The following COL28A1 variants were observed in gnomAD, a reference collection of about 807,000 sequenced individuals.
The protein encoded by COL28A1 is collagen type XXVIII alpha 1 chain.
In COL28A1, 161 loss-of-function variants were observed where a neutral mutation model predicts 150.2. The observed-to-expected ratio is 1.07, with a 90% CI of 0.94 to 1.22. The LOEUF (loss-of-function observed/expected upper bound fraction) is 1.22. Ranked by LOEUF, COL28A1 falls within the 50% of genes most tolerant of loss-of-function variation. The pLI is 0.00. For synonymous variants in COL28A1, 552 were observed against 469.7 expected (o/e 1.18, Z -2.26); for missense variants, 1,617 against 1,388.3 (o/e 1.16, Z -2.62).
At chr7:7,344,415 AT>A in the COL28A1 span, among the ~76,000 whole-genome samples, 1 of 151,950 alleles carries the variant, frequency 6.6e-6, no homozygotes, top group Non-Finnish European at 1.5e-5. Context: ...TTATTTTTTA[AT>A]AGTTGGTCTA....
chr7:7,532,628 A>G (rs1782433169), intron 2 of COL28A1, 124 bp downstream of exon 2: 6 of 1,252,304 alleles, frequency 4.8e-6, no homozygotes, highest in Non-Finnish European at 5.4e-6. Context: ...TAATTTTATC[A>G]AAGTAGACTA....
At chr7:7,532,642 C>G in intron 2 of COL28A1, 110 bp downstream of exon 2, 1 of 1,341,384 alleles carries the variant, frequency 7.5e-7, no homozygotes. Context: ...TAGACTATCA[C>G]ATGTATACAT....
At chr7:7,375,565 G>T in intron 30 of COL28A1, 68 bp from the exon 31 acceptor site, 2 of 1,026,678 alleles carry the variant, frequency 1.9e-6, no homozygotes, top group Non-Finnish European at 2.8e-6. Flanking sequence ...AGCCATAAAA[G>T]ATATCTCATT....
intron 25 of COL28A1, among the ~76,000 whole-genome samples, chr7:7,425,572 C>T (rs1205677885): frequency 6.6e-6 from 1 of 152,194 alleles, no homozygotes; most frequent in Non-Finnish European, 1.5e-5. Context: ...TAATTGACTT[C>T]ATTCCAGATC....
chr7:7,375,687 G>A (rs1415079347), intron 30 of COL28A1, among the ~76,000 whole-genome samples, 190 bp from the exon 31 acceptor site: 2 of 152,170 alleles, frequency 1.3e-5, no homozygotes, highest in African/African-American at 4.8e-5. Flanking sequence ...CGTTTGAGCT[G>A]TGAAACTTAA....
intron 1 of COL28A1, among the ~76,000 whole-genome samples, 184 bp from the exon 2 acceptor site, chr7:7,533,096 T>C (rs958112282): frequency 6.6e-6 from 1 of 152,170 alleles, no homozygotes; most frequent in Non-Finnish European, 1.5e-5. Flanking sequence ...CATGGCACCA[T>C]GACCAAACAT....
chr7:7,488,044 C>T (rs1779722534), intron 13 of COL28A1, among the ~76,000 whole-genome samples: 1 of 152,178 alleles, frequency 6.6e-6, no homozygotes, highest in Non-Finnish European at 1.5e-5. Context: ...GCCATTTTAG[C>T]ACTCCATCTG....
intron 11 of COL28A1, among the ~76,000 whole-genome samples, chr7:7,497,360 C>T (rs1333660271): frequency 2.6e-5 from 4 of 152,146 alleles, no homozygotes; most frequent in Non-Finnish European, 4.4e-5. Context: ...ATGTGACTGA[C>T]GTGTATTAAC....
rs761455970 is a variant in COL28A1, at chr7:7,515,813, C to A, written c.882+1G>T. 9.5e-7 allele frequency: 1 copy of A among 1,056,744 alleles called. No homozygotes were observed. Among genetic ancestry groups the A allele is most frequent in the Non-Finnish European group, 1.5e-6 (1 of 673,832 alleles). 65.5% of individuals were successfully genotyped at this position (1,056,744 alleles called of 1,614,324 possible). On this transcript the variant is annotated splice_donor_variant, in intron 8 of 34. Coordinates refer to ENST00000399429, the MANE Select transcript of COL28A1 (RefSeq NM_001037763.3). LOFTEE classifies it high-confidence loss of function. ...CAATCTATTTGTTGTTACCAACTTA[C>A]CTTGTCACCCTTGTACCCAGGAATT... is the stretch of plus-strand genomic sequence containing the variant.
At position 7,476,019 on chromosome 7, in the gene COL28A1, G is replaced by A. The variant is rs145411653; in HGVS notation, c.1233+1093C>T. On this transcript the variant is annotated intron_variant, in intron 14 of 34. Coordinates refer to ENST00000399429, the MANE Select transcript of COL28A1 (RefSeq NM_001037763.3). Reference sequence around the variant, plus strand: ...TTGTTTTCCCTCTAGTAGAGATTTAGGATTCTCATAGATAATTGAATATCG... The same window carrying A: ...TTGTTTTCCCTCTAGTAGAGATTTAAGATTCTCATAGATAATTGAATATCG... Among the ~76,000 whole-genome samples, 15 of 152,242 alleles carry A rather than the reference G, an allele frequency of 9.9e-5. No homozygotes were observed. In the East Asian group the frequency reaches 1.7e-3, roughly 18 times the overall value.
chr7:7,410,763 C>T (rs1168075662), intron 27 of COL28A1, among the ~76,000 whole-genome samples: 1 of 151,830 alleles, frequency 6.6e-6, no homozygotes, highest in Non-Finnish European at 1.5e-5. Flanking sequence ...TAATTAACAC[C>T]ATTGTACAGC....
At chr7:7,459,875 A>G (rs991652713) in intron 15 of COL28A1, among the ~76,000 whole-genome samples, 1 of 152,228 alleles carries the variant, frequency 6.6e-6, no homozygotes, top group Non-Finnish European at 1.5e-5. Flanking sequence ...AGACTACTCC[A>G]TAATTATATC....
At chr7:7,442,356 G>A (rs914582983) in intron 20 of COL28A1, among the ~76,000 whole-genome samples, 1 of 152,082 alleles carries the variant, frequency 6.6e-6, no homozygotes, top group East Asian at 1.9e-4. Context: ...TAGAGACATT[G>A]TTCATTCTCA....
At chr7:7,364,481 A>G (rs1310627258) in intron 33 of COL28A1, among the ~76,000 whole-genome samples, 2 of 152,064 alleles carry the variant, frequency 1.3e-5, no homozygotes, top group African/African-American at 4.8e-5. Flanking sequence ...CCTTCCCACC[A>G]TCTGCTGCTG....
intron 27 of COL28A1, among the ~76,000 whole-genome samples, chr7:7,397,805 A>G (rs1782926039): frequency 6.6e-6 from 1 of 152,204 alleles, no homozygotes. Flanking sequence ...ATTGGGCATA[A>G]GAGTGAGGTC....
At chr7:7,374,038 A>AAAAAATATATATATATAT in intron 31 of COL28A1, among the ~76,000 whole-genome samples, 2 of 113,656 alleles carry the variant, frequency 1.8e-5, no homozygotes, top group African/African-American at 7.6e-5. Flanking sequence ...AAAAAAAAAA[A>AAAAAATATATATATATAT]ATATATATAT....
intron 3 of COL28A1, among the ~76,000 whole-genome samples, chr7:7,524,512 C>A (rs1781915053): frequency 6.6e-6 from 1 of 152,132 alleles, no homozygotes; most frequent in Admixed American, 6.5e-5. Flanking sequence ...TATGTTTTAT[C>A]TTTTGTTTCC....
At position 7,383,635 on chromosome 7, in the gene COL28A1, T is replaced by A. The variant is rs190806807; in HGVS notation, c.2137-2023A>T. ...TGATATATTTATGCATCCAATTTTT[T>A]AAAAAAACCTCAATATTATCTATTT... On this transcript the variant is annotated intron_variant, in intron 27 of 34. Transcript: ENST00000399429. Among the ~76,000 whole-genome samples, 6 of 148,248 alleles carry A rather than the reference T, an allele frequency of 4.0e-5. No homozygotes were observed. The East Asian group carries it at 6.0e-4, about 15-fold the overall frequency.
At chr7:7,463,017 C>T (rs1787762458) in intron 15 of COL28A1, among the ~76,000 whole-genome samples, 1 of 151,760 alleles carries the variant, frequency 6.6e-6, no homozygotes, top group South Asian at 2.1e-4. Flanking sequence ...ACAAAGCCTC[C>T]AAGAAATCTG....
Sources: allele counts gnomAD v4.1 joint callset (sites outside exome capture counted in the v4.1 genomes callset), GRCh38; gene constraint gnomAD v4.1.1; transcripts MANE v1.5; gene names NCBI Gene and HGNC (gene_info 2026-07-23, HGNC 2026-07-21).